The following RAP1A variants were observed in gnomAD, a reference collection of about 807,000 sequenced individuals.
The protein encoded by RAP1A is ras-related protein Rap-1A.
RAP1A carries 6 observed loss-of-function variants against 26.4 expected under a neutral mutation model. The ratio of observed to expected loss-of-function variants is 0.23; its 90% CI spans 0.12 to 0.45. The LOEUF (loss-of-function observed/expected upper bound fraction) is 0.45. Among genes scored for constraint, RAP1A ranks in the 20% least tolerant of loss-of-function variants. RAP1A has a pLI of 0.99. For synonymous variants in RAP1A, 73 were observed against 79.4 expected (o/e 0.92, Z 0.43); for missense variants, 121 against 217.2 (o/e 0.56, Z 2.78).
intron 1 of RAP1A, among the ~76,000 whole-genome samples, chr1:111,557,077 C>T (rs1344499757): frequency 6.6e-6 from 1 of 151,702 alleles, no homozygotes; most frequent in Admixed American, 6.6e-5. Flanking sequence ...CTTTGTAAAA[C>T]CACAGATCTA....
In RAP1A at chr1:111,557,827, A is replaced by C. The variant is rs192197640; in HGVS notation, c.-28+15318A>C. ...AAGTAAAACAAACAGAAATGTGAAC[A>C]GTGACAGCATAAAAATTGGGGGAGA... On this transcript the variant is annotated intron_variant, in intron 1 of 7. Transcript: ENST00000356415. 7.5e-3 allele frequency among the ~76,000 whole-genome samples: 1,145 copies of C among 152,308 alleles called. 16 individuals are homozygous for C. The highest frequency in any genetic ancestry group is 0.026 in the African/African-American group (1,077 of 41,574).
At chr1:111,588,836 CTG>C (rs1010974457) in intron 1 of RAP1A, among the ~76,000 whole-genome samples, 1 of 152,134 alleles carries the variant, frequency 6.6e-6, no homozygotes, top group African/African-American at 2.4e-5. Context: ...AAAGCAAAGA[CTG>C]TATGTTTTTG....
rs1356704818 is a variant in RAP1A at position 111,714,144 on chromosome 1, G to A, written c.*1743G>A. 2 of 152,004 alleles carry A rather than the reference G, an allele frequency of 1.3e-5. No homozygotes were observed. The highest frequency in any genetic ancestry group is 2.9e-5 in the Non-Finnish European group (2 of 67,968). 9.4% of individuals were successfully genotyped at this position (152,004 alleles called of 1,614,324 possible). On this transcript the variant is annotated 3_prime_UTR_variant, in exon 8 of 8. Coordinates refer to ENST00000369709, the MANE Select transcript of RAP1A (RefSeq NM_002884.4). ...TTTTAAAAAAATGGAAATTTTTTTT[G>A]TTTGTGTTTTTGTTTTAGTTTCGAA...
At chr1:111,560,810 C>T (rs2800903) in intron 1 of RAP1A, among the ~76,000 whole-genome samples, 80,018 of 151,966 alleles carry the variant, frequency 0.53, 22,040 homozygotes, top group African/African-American at 0.69. Context: ...AGTTCTTGAT[C>T]GTCTTAGAGA....
chr1:111,608,186 G>A, intron 1 of RAP1A: 1 of 169,074 alleles, frequency 5.9e-6, no homozygotes, highest in Non-Finnish European at 1.3e-5. Context: ...TTCTCAGACG[G>A]GGCGGCCGGG....
chr1:111,681,839 C>G (rs1661305124), intron 1 of RAP1A, among the ~76,000 whole-genome samples: 1 of 152,158 alleles, frequency 6.6e-6, no homozygotes, highest in Admixed American at 6.5e-5. Flanking sequence ...TCAGGAAATA[C>G]AGAGAACATC....
intron 1 of RAP1A, among the ~76,000 whole-genome samples, chr1:111,610,501 C>A (rs1297097947): frequency 6.6e-6 from 1 of 151,348 alleles, no homozygotes; most frequent in African/African-American, 2.4e-5. Flanking sequence ...CCTTTTCTGG[C>A]CTTTCTCCTA....
intron 1 of RAP1A, among the ~76,000 whole-genome samples, chr1:111,552,393 T>C (rs1657302261): frequency 6.6e-6 from 1 of 152,222 alleles, no homozygotes; most frequent in Admixed American, 6.5e-5. Context: ...CAGCTATTTT[T>C]CCTGAATACG....
chr1:111,545,858 C>A (rs1657016029), intron 1 of RAP1A, among the ~76,000 whole-genome samples: 1 of 152,136 alleles, frequency 6.6e-6, no homozygotes, highest in Admixed American at 6.5e-5. Flanking sequence ...GTTGTCCCAG[C>A]ACCATTTGTT....
chr1:111,579,299 A>C (rs1658204028), intron 1 of RAP1A, among the ~76,000 whole-genome samples: 1 of 152,194 alleles, frequency 6.6e-6, no homozygotes, highest in African/African-American at 2.4e-5. Context: ...TAAATGCTGG[A>C]GTTATTAAAG....
chr1:111,569,675 T>C (rs1658008888), intron 1 of RAP1A, among the ~76,000 whole-genome samples: 1 of 152,002 alleles, frequency 6.6e-6, no homozygotes, highest in Non-Finnish European at 1.5e-5. Flanking sequence ...AAAGACTTCA[T>C]GAATGTCTCC....
chr1:111,648,207 T>TGTG, intron 1 of RAP1A: 2 of 91,306 alleles, frequency 2.2e-5, no homozygotes, highest in African/African-American at 2.5e-4. Flanking sequence ...GTGTGTGTAT[T>TGTG]TTTTTTTTTT....
intron 1 of RAP1A, among the ~76,000 whole-genome samples, chr1:111,630,083 T>G (rs928515318): frequency 3.9e-5 from 6 of 152,194 alleles, no homozygotes; most frequent in African/African-American, 1.4e-4. Flanking sequence ...ATTATTAAAT[T>G]AAGTAGCTAG....
Position 111,637,431 on chromosome 1 carries a change from A to G in RAP1A, c.-28+17497A>G, listed in dbSNP as rs562929927. ...GATATAACTGTATATTTGTTTATGTATTGTATGTATATCTGTGTTTTATGC... is the reference window on the plus strand; with the variant it reads ...GATATAACTGTATATTTGTTTATGTGTTGTATGTATATCTGTGTTTTATGC... On this transcript the variant is annotated intron_variant, in intron 1 of 7. Coordinates refer to ENST00000369709, the MANE Select transcript of RAP1A (RefSeq NM_002884.4). Among the ~76,000 whole-genome samples, 62 of 152,262 alleles carry G rather than the reference A, an allele frequency of 4.1e-4. 1 individual carries two copies. Among genetic ancestry groups the G allele is most frequent in the East Asian group, 3.7e-3 (19 of 5,184 alleles).
At chr1:111,682,901 T>C (rs1014536764) in intron 1 of RAP1A, among the ~76,000 whole-genome samples, 3 of 152,166 alleles carry the variant, frequency 2.0e-5, no homozygotes, top group African/African-American at 7.2e-5. Context: ...ACACTTATTC[T>C]AAAATTGACC....
intron 2 of RAP1A, among the ~76,000 whole-genome samples, chr1:111,694,171 G>A (rs1015594058): frequency 3.3e-5 from 5 of 152,172 alleles, no homozygotes; most frequent in Non-Finnish European, 7.3e-5. Context: ...TACAGCATGA[G>A]CCACTGCATC....
At chr1:111,689,010 A>G (rs1661587773) in intron 1 of RAP1A, among the ~76,000 whole-genome samples, 1 of 151,080 alleles carries the variant, frequency 6.6e-6, no homozygotes, top group Non-Finnish European at 1.5e-5. Context: ...AATTTTTTGT[A>G]TTTTTGGTAG....
intron 1 of RAP1A, among the ~76,000 whole-genome samples, chr1:111,572,769 G>A (rs764652947): frequency 3.2e-4 from 48 of 152,006 alleles, no homozygotes; most frequent in Admixed American, 2.6e-4. Flanking sequence ...TTTTAGGTTC[G>A]GGGGTACATG....
At chr1:111,584,283 C>T (rs1287710734) in intron 1 of RAP1A, among the ~76,000 whole-genome samples, 1 of 152,148 alleles carries the variant, frequency 6.6e-6, no homozygotes, top group Non-Finnish European at 1.5e-5. Flanking sequence ...AAGGCCAAAT[C>T]TCCCTGTCTG....
Sources: gnomAD v4.1 joint callset for allele counts (sites outside exome capture counted in the v4.1 genomes callset) on GRCh38, gnomAD v4.1.1 for gene constraint, MANE v1.5 for transcripts, NCBI Gene and HGNC (gene_info 2026-07-23, HGNC 2026-07-21) for gene names.